The following ZNF383 variants were observed in gnomAD, a reference collection of about 807,000 sequenced individuals.
ZNF383 encodes zinc finger protein 383.
Under a neutral mutation model 44.2 loss-of-function variants are expected in ZNF383, and 32 were observed. That is an observed-to-expected ratio of 0.72 (90% CI 0.55 to 0.97). The LOEUF is 0.97. ZNF383 is among the 50% of genes least tolerant of loss of function. ZNF383 has a pLI of 0.00. For synonymous variants in ZNF383, 155 were observed against 186.2 expected (o/e 0.83, Z 1.36); for missense variants, 487 against 562.5 (o/e 0.87, Z 1.36).
At chr19:37,220,286 A>G (rs568050300) in intron 1 of ZNF383, among the ~76,000 whole-genome samples, 1 of 151,906 alleles carries the variant, frequency 6.6e-6, no homozygotes, top group African/African-American at 2.4e-5. Flanking sequence ...TGGAGTGCAG[A>G]GGCGCGTTCT....
intron 2 of ZNF383, among the ~76,000 whole-genome samples, chr19:37,225,893 G>A (rs530905272): frequency 4.6e-5 from 7 of 150,652 alleles, no homozygotes; most frequent in South Asian, 2.1e-4. Context: ...GGGTTCAAGC[G>A]ATTCCCCTGT....
intron 5 of ZNF383, among the ~76,000 whole-genome samples, chr19:37,242,018 A>G (rs1175606488): frequency 4.4e-4 from 3 of 6,796 alleles, no homozygotes; most frequent in Non-Finnish European, 6.4e-4. Flanking sequence ...TTATCTATAT[A>G]TACTATAAAG....
At position 37,243,358 on chromosome 19, in the gene ZNF383, T is replaced by G. The variant is rs373733155; in HGVS notation, c.1122T>G (p.Ala374=). The change falls in exon 6 of 6, where the codon GCT becomes GCG. Residue 374 remains alanine (A), a synonymous_variant. Transcript: ENST00000684119. The part of the protein sequence containing the change: ...KPYDCKECGK[A]FTQSSQLRQH... ...ATGATTGTAAGGAATGTGGAAAGGC[T>G]TTTACTCAGAGCTCACAGCTTCGTC... 2 of 1,613,610 alleles carry G rather than the reference T, an allele frequency of 1.2e-6. No individual in the cohort carries two copies. The highest frequency in any genetic ancestry group is 1.3e-5 in the African/African-American group (1 of 74,780).
chr19:37,220,788 C>G (rs535192107), intron 1 of ZNF383, among the ~76,000 whole-genome samples: 2 of 152,082 alleles, frequency 1.3e-5, no homozygotes, highest in South Asian at 4.2e-4. Context: ...TTCTTCTTGA[C>G]TTTTTAAAAA....
In ZNF383 at chr19:37,237,811, T is replaced by TG. The variant is rs144043213; in HGVS notation, c.232+1740dup. 8.8e-3 allele frequency among the ~76,000 whole-genome samples: 1,342 copies of TG among 151,768 alleles called. 19 individuals carry two copies. Among genetic ancestry groups the TG allele is most frequent in the African/African-American group, 0.031 (1,268 of 41,360 alleles). ...AGCACCGAAACCCATCCTTGAGGGA[T>TG]GGGTCCTTGAAGCCCGATCATCTCT... On this transcript the variant is annotated intron_variant, in intron 5 of 5. Transcript: ENST00000684119.
At chr19:37,235,273 C>CAA (rs929742693) in intron 3 of ZNF383, among the ~76,000 whole-genome samples, 9 of 96,582 alleles carry the variant, frequency 9.3e-5, no homozygotes, top group Non-Finnish European at 1.1e-4. Context: ...ATTTCTGTCT[C>CAA]AAAAAAAAAA....
chr19:37,235,486 A>G lies in ZNF383; in HGVS notation c.10-63A>G, dbSNP rs544892537. On this transcript the variant is annotated intron_variant, in intron 3 of 5. Transcript: ENST00000684119. Reference sequence around the variant, plus strand: ...TCATTTTGTATTACCCCACAATACAAGCATCGTAGTCTCTGATACATTTTT... The same window carrying G: ...TCATTTTGTATTACCCCACAATACAGGCATCGTAGTCTCTGATACATTTTT... 8 of 1,565,896 alleles carry G rather than the reference A, an allele frequency of 5.1e-6. 1 individual carries two copies. The South Asian group carries it at 6.7e-5, about 13-fold the overall frequency.
In ZNF383 at chr19:37,225,801, T is replaced by C. The variant is rs149372433; in HGVS notation, c.-46+862T>C. ...TATCATTCAGTTTAAATTTTTTTTT[T>C]TTTTTTGAGAAGGAGTCTCGCTCTT... On this transcript the variant is annotated intron_variant, in intron 2 of 5. Transcript: ENST00000684119. Among the ~76,000 whole-genome samples the C allele has an allele frequency of 1.5e-4, 23 of 151,806 alleles. No homozygotes were observed. The East Asian group carries it at 4.5e-3, about 29-fold the overall frequency.
chr19:37,237,854 C>T (rs550283270), intron 5 of ZNF383, among the ~76,000 whole-genome samples: 3 of 151,296 alleles, frequency 2.0e-5, no homozygotes, highest in East Asian at 1.9e-4. Flanking sequence ...CTCACCTCTT[C>T]GTTTTTGGAA....
At chr19:37,227,110 CT>C (rs35250551) in intron 2 of ZNF383, among the ~76,000 whole-genome samples, 76 of 92,042 alleles carry the variant, frequency 8.3e-4, no homozygotes, top group African/African-American at 2.0e-3. Flanking sequence ...CCCAGCCAGG[CT>C]TTTTTTTTTT....
chr19:37,237,842 G>T (rs963528724), intron 5 of ZNF383, among the ~76,000 whole-genome samples: 1 of 151,404 alleles, frequency 6.6e-6, no homozygotes, highest in African/African-American at 2.4e-5. Flanking sequence ...TCTCTTAAAG[G>T]CCTCACCTCT....
chr19:37,224,189 G>A (rs1487857200), intron 1 of ZNF383, among the ~76,000 whole-genome samples: 1 of 152,024 alleles, frequency 6.6e-6, no homozygotes, highest in African/African-American at 2.4e-5. Context: ...AGTTTATTTG[G>A]TATTGCATAT....
chr19:37,225,277 A>T (rs926986061), intron 2 of ZNF383: 5 of 151,868 alleles, frequency 3.3e-5, no homozygotes, highest in Non-Finnish European at 7.3e-5. Context: ...TATTTTTAGT[A>T]GAGACAGGGT....
rs893414367 is a variant in ZNF383, at chr19:37,247,074, A to G, written c.*3410A>G. The G allele has an allele frequency of 6.6e-6, 1 of 152,302 alleles. No homozygotes were observed. Among genetic ancestry groups the G allele is most frequent in the African/African-American group, 2.4e-5 (1 of 41,584 alleles). 9.4% of individuals were successfully genotyped at this position (152,302 alleles called of 1,614,324 possible). On this transcript the variant is annotated 3_prime_UTR_variant, in exon 6 of 6. Coordinates refer to ENST00000684119, the MANE Select transcript of ZNF383 (RefSeq NM_001387601.1). Reference sequence around the variant, plus strand: ...TTTAAATGTACATGAAAATGAAAACAATTGAAAAACCTGTGAGTGGCAGTA... The same window carrying G: ...TTTAAATGTACATGAAAATGAAAACGATTGAAAAACCTGTGAGTGGCAGTA...
intron 5 of ZNF383, among the ~76,000 whole-genome samples, chr19:37,241,336 G>T (rs1974074260): frequency 6.6e-6 from 1 of 152,106 alleles, no homozygotes; most frequent in Non-Finnish European, 1.5e-5. Flanking sequence ...CAAGGTCTCA[G>T]GTTCAATAAT....
At chr19:37,237,805 G>A (rs10402455) in intron 5 of ZNF383, among the ~76,000 whole-genome samples, 28,213 of 151,508 alleles carry the variant, frequency 0.19, 2,791 homozygotes, top group South Asian at 0.31. Context: ...ACCCATCCTT[G>A]AGGGATGGGT....
At chr19:37,219,460 G>C (rs1972817509) in intron 1 of ZNF383, 1 of 152,334 alleles carries the variant, frequency 6.6e-6, no homozygotes, top group South Asian at 2.1e-4. Context: ...TCTCCGTGTT[G>C]GTCAGGCTGG....
At chr19:37,224,552 G>GT (rs1973068838) in intron 1 of ZNF383, among the ~76,000 whole-genome samples, 1 of 151,652 alleles carries the variant, frequency 6.6e-6, no homozygotes, top group Admixed American at 6.6e-5. Context: ...CTGGTTTTTT[G>GT]TTTTTTTCTT....
chr19:37,243,118 C>T lies in ZNF383; in HGVS notation c.882C>T (p.Ser294=), dbSNP rs199885938. Reference sequence around the variant, plus strand: ...TATGTGGGAAAGCCTTTACTAAGAGCTCACAACTTTTTCAGCATGCACGAA... The same window carrying T: ...TATGTGGGAAAGCCTTTACTAAGAGTTCACAACTTTTTCAGCATGCACGAA... The part of the protein sequence containing the change: ...CKVCGKAFTK[S]SQLFQHARIH... Residue 294 remains serine, a synonymous_variant, in exon 6 of 6, where the codon AGC becomes AGT. Transcript: ENST00000684119. 4.1e-5 allele frequency: 66 copies of T among 1,614,052 alleles called. No homozygotes were observed. Among genetic ancestry groups the T allele is most frequent in the Non-Finnish European group, 5.5e-5 (65 of 1,180,000 alleles).
Sources: gnomAD v4.1 joint callset for allele counts (sites outside exome capture counted in the v4.1 genomes callset) on GRCh38, gnomAD v4.1.1 for gene constraint, MANE v1.5 for transcripts, NCBI Gene and HGNC (gene_info 2026-07-23, HGNC 2026-07-21) for gene names.